CISD3: variants seen among roughly 807,000 people sequenced by gnomAD.
CISD3 encodes CDGSH iron-sulfur domain-containing protein 3, mitochondrial.
A neutral mutation model predicts 14.1 loss-of-function variants in CISD3; 11 were observed. That is an observed-to-expected ratio of 0.78 (90% confidence interval 0.49 to 1.29). The LOEUF is 1.29. Among genes scored for constraint, CISD3 ranks in the 50% most tolerant of loss-of-function variants. The probability of loss-of-function intolerance (pLI) is 0.00; values close to 1 mark genes in which losing one functional copy is unlikely to be tolerated. For missense variants in CISD3, 156 were observed against 171.6 expected, an observed-to-expected ratio of 0.91 and a Z score of 0.51; for synonymous variants, 53 against 69.2, an observed-to-expected ratio of 0.77 and a Z score of 1.16.
Position 38,735,309 on chromosome 17 carries a change from T to C in CISD3, c.*1854T>C. 6.5e-7 allele frequency: 1 copy of C among 1,527,624 alleles called. No individual in the cohort carries two copies. Among genetic ancestry groups the C allele is most frequent in the Non-Finnish European group, 8.8e-7 (1 of 1,130,724 alleles). 94.6% of individuals were successfully genotyped at this position (1,527,624 alleles called of 1,614,324 possible). A position where few individuals can be genotyped will look rare whatever the true frequency, so the allele number is the denominator to read the frequency against. On this transcript the variant is annotated 3_prime_UTR_variant, in exon 4 of 4. Coordinates refer to ENST00000613478, the MANE Select transcript of CISD3 (RefSeq NM_001136498.2). ...GATGGTGTCTGCAGGCAGTTCAAGC[T>C]ACCCCCGTTGGCAGCTGTGGTGGCC...
At position 38,734,573 on chromosome 17, in the gene CISD3, T is replaced by C. The variant is rs1906524762; in HGVS notation, c.*1118T>C. On this transcript the variant is annotated 3_prime_UTR_variant, in exon 4 of 4. Transcript: ENST00000613478. ...AACTATCTATTCTTTGCACAAAGTT[T>C]CCACTGCAAGAGGAGGAGGTGATGC... The C allele has an allele frequency of 6.6e-6, 1 of 151,888 alleles. No individual in the cohort carries two copies. Among genetic ancestry groups the C allele is most frequent in the South Asian group, 2.1e-4 (1 of 4,814 alleles). 9.4% of individuals were successfully genotyped at this position (151,888 alleles called of 1,614,324 possible). A position where few individuals can be genotyped will look rare whatever the true frequency, so the allele number is the denominator to read the frequency against.
rs904490599 is a variant in CISD3, at chr17:38,730,587, C to A, written c.49-173C>A. The stretch of plus-strand genomic sequence containing the variant: ...CAGTCCCTGCCAGGACCTCCGCAGC[C>A]AGCACCTTCTCTTGCGACCTTTTTC... On this transcript the variant is annotated intron_variant, in intron 1 of 3. Transcript: ENST00000613478. 4 of 836,560 alleles carry A rather than the reference C, an allele frequency of 4.8e-6. No homozygotes were observed. In the Admixed American group the frequency reaches 8.7e-5, roughly 18 times the overall value. 51.8% of individuals were successfully genotyped at this position (836,560 alleles called of 1,614,324 possible).
Position 38,730,801 on chromosome 17 carries a change from TC to T in CISD3, c.84+12del, listed in dbSNP as rs373912781. On this transcript the variant is annotated splice_region_variant and intron_variant, in intron 2 of 3. Transcript: ENST00000613478. ...GGGACATCTCCTCCTGGCTGGTGAG[TC>T]CCCCCATCCTCCCCTCCTCCTCGCA... The T allele has an allele frequency of 2.6e-6, 4 of 1,550,630 alleles. No individual in the cohort carries two copies. Among genetic ancestry groups the T allele is most frequent in the African/African-American group, 1.4e-5 (1 of 72,776 alleles).
Position 38,735,330 on chromosome 17 carries a change from T to C in CISD3, c.*1875T>C, listed in dbSNP as rs1378510208. 6.5e-7 allele frequency: 1 copy of C among 1,544,940 alleles called. No individual in the cohort carries two copies. The highest frequency in any genetic ancestry group is 1.9e-5 in the Admixed American group (1 of 53,020). On this transcript the variant is annotated 3_prime_UTR_variant, in exon 4 of 4. Coordinates refer to ENST00000613478, the MANE Select transcript of CISD3 (RefSeq NM_001136498.2). ...AAGCTACCCCCGTTGGCAGCTGTGG[T>C]GGCCCCACTGGCTGTCGAAGGGGGA...
Position 38,730,768 on chromosome 17 carries a change from C to G in CISD3, c.57C>G (p.Asn19Lys). 1 of 1,551,766 alleles carries G rather than the reference C, an allele frequency of 6.4e-7. No individual in the cohort carries two copies. Among genetic ancestry groups the G allele is most frequent in the Non-Finnish European group, 8.7e-7 (1 of 1,146,958 alleles). ...GCTTGCGTACCTTGCAGGACCTGAA[C>G]CCGCGGCGGGACATCTCCTCCTGGC... ...RPAARGARDL[N>K]PRRDISSWLA... is the part of the protein sequence containing the mutation. Residue 19 changes from asparagine to lysine, a missense_variant, in exon 2 of 4, where the codon AAC becomes AAG. By Grantham distance (94) the Asn-to-Lys change is moderately conservative (BLOSUM62 0). Coordinates refer to ENST00000613478, the MANE Select transcript of CISD3 (RefSeq NM_001136498.2).
Position 38,734,497 on chromosome 17 carries a change from A to AGAT in CISD3, c.*1043_*1045dup, listed in dbSNP as rs1567937181. 1 of 151,282 alleles carries AGAT rather than the reference A, an allele frequency of 6.6e-6. No homozygotes were observed. Among genetic ancestry groups the AGAT allele is most frequent in the Non-Finnish European group, 1.5e-5 (1 of 67,896 alleles). The allele number at this position is 151,282 out of a possible 1,614,324, so 9.4% of individuals were successfully genotyped here. On this transcript the variant is annotated 3_prime_UTR_variant, in exon 4 of 4. Coordinates refer to ENST00000613478, the MANE Select transcript of CISD3 (RefSeq NM_001136498.2). Reference sequence around the variant, plus strand: ...CAGGGCCTGAATCTTCTTTTCCACAAGATAAATGATGCAAAGGCCACACAC... The same window carrying AGAT: ...CAGGGCCTGAATCTTCTTTTCCACAAGATGATAAATGATGCAAAGGCCACACAC...
At chr17:38,731,498 C>T in intron 3 of CISD3, 59 bp downstream of exon 3, 1 of 1,546,016 alleles carries the variant, frequency 6.5e-7, no homozygotes, top group Non-Finnish European at 8.8e-7. Flanking sequence ...CTGGTGTCTC[C>T]AGTGAGTTCC....
At chr17:38,731,187 G>A (rs1827792462) in intron 2 of CISD3, 133 bp from the exon 3 acceptor site, 8 of 1,222,406 alleles carry the variant, frequency 6.5e-6, no homozygotes, top group Non-Finnish European at 7.9e-6. Context: ...CTTGTTGGGT[G>A]GCATCAGATC....
rs1415755631 is a variant in CISD3, at chr17:38,735,475, G to A, written c.*2020G>A. On this transcript the variant is annotated 3_prime_UTR_variant, in exon 4 of 4. Transcript: ENST00000613478. ...GCAGGGTGGCAGGGCTGGGAGCCTT[G>A]TCGCTGACTGACTCACACTCGGACG... The A allele has an allele frequency of 6.3e-7, 1 of 1,592,164 alleles. No individual in the cohort carries two copies. Among genetic ancestry groups the A allele is most frequent in the South Asian group, 1.1e-5 (1 of 87,790 alleles).
rs1468178828 is a variant in CISD3 at position 38,730,498 on chromosome 17, C to G, written c.48+92C>G. 1.3e-5 allele frequency: 14 copies of G among 1,077,188 alleles called. No homozygotes were observed. In the East Asian group the frequency reaches 2.8e-4, roughly 21 times the overall value. The allele number at this position is 1,077,188 out of a possible 1,614,324, so 66.7% of individuals were successfully genotyped here. ...CCAGCCCCGGCCCGGCCGAGCATCC[C>G]GGAGCTCCCGGCCCGTCCCGCCGGT... On this transcript the variant is annotated intron_variant, in intron 1 of 3. Coordinates refer to ENST00000613478, the MANE Select transcript of CISD3 (RefSeq NM_001136498.2).
In CISD3 at chr17:38,730,383, C is replaced by T; in HGVS notation, c.25C>T (p.Arg9Trp). 2 of 1,200,534 alleles carry T rather than the reference C, an allele frequency of 1.7e-6. No homozygotes were observed. The highest frequency in any genetic ancestry group is 4.1e-5 in the South Asian group (1 of 24,288). The allele number at this position is 1,200,534 out of a possible 1,614,324, so 74.4% of individuals were successfully genotyped here. ...CATGCGCGGCGCGGGGGCGATCCTG[C>T]GGCCGGCGGCGCGTGGTGCCCGGGT... Reference protein sequence around the residue: MRGAGAILRPAARGARDLN... With the variant: MRGAGAILWPAARGARDLN... Residue 9 changes from arginine (R) to tryptophan (W), a missense_variant, in exon 1 of 4, where the codon CGG (arginine) becomes TGG (tryptophan). Arg to Trp is a moderately radical substitution (Grantham distance 101). Coordinates refer to ENST00000613478, the MANE Select transcript of CISD3 (RefSeq NM_001136498.2).
intron 1 of CISD3, 66 bp from the exon 2 acceptor site, chr17:38,730,694 C>G: frequency 6.6e-7 from 1 of 1,510,988 alleles, no homozygotes. Flanking sequence ...TCCCTTTCCA[C>G]TGATTTTATT....
chr17:38,733,945 G>T lies in CISD3; in HGVS notation c.*490G>T. 6.4e-6 allele frequency: 1 copy of T among 155,636 alleles called. No individual in the cohort carries two copies. 9.6% of individuals were successfully genotyped at this position (155,636 alleles called of 1,614,324 possible). On this transcript the variant is annotated 3_prime_UTR_variant, in exon 4 of 4. Coordinates refer to ENST00000613478, the MANE Select transcript of CISD3 (RefSeq NM_001136498.2). Reference sequence around the variant, plus strand: ...AAAGCCAAGAGATACAGATGTCCCAGGGCAAAGGAGGGTACAGTCACAGGA... The same window carrying T: ...AAAGCCAAGAGATACAGATGTCCCATGGCAAAGGAGGGTACAGTCACAGGA...
At chr17:38,732,798 A>G (rs2143735493) in intron 3 of CISD3, among the ~76,000 whole-genome samples, 1 of 152,186 alleles carries the variant, frequency 6.6e-6, no homozygotes, top group East Asian at 1.9e-4. Context: ...TCCTCCTTGT[A>G]ACCTTCACTC....
At chr17:38,731,145 G>A (rs1906315362) in intron 2 of CISD3, 175 bp from the exon 3 acceptor site, 1 of 869,370 alleles carries the variant, frequency 1.2e-6, no homozygotes, top group Non-Finnish European at 1.7e-6. Context: ...CCTGTCCAAA[G>A]CTCACGGTCC....
intron 3 of CISD3, 45 bp from the exon 4 acceptor site, chr17:38,733,226 TGCCCC>T (rs1567936344): frequency 4.5e-6 from 7 of 1,544,402 alleles, no homozygotes; most frequent in African/African-American, 2.7e-5. Flanking sequence ...TGCCCTGCCC[TGCCCC>T]AGCAGGTGGG....
rs1345263351 is a variant in CISD3, at chr17:38,730,364, C to G, written c.6C>G (p.Arg2=). 8.5e-7 allele frequency: 1 copy of G among 1,172,428 alleles called. No homozygotes were observed. The highest frequency in any genetic ancestry group is 1.1e-6 in the Non-Finnish European group (1 of 950,256). 72.6% of individuals were successfully genotyped at this position (1,172,428 alleles called of 1,614,324 possible). A position where few individuals can be genotyped will look rare whatever the true frequency, so the allele number is the denominator to read the frequency against. The change falls in exon 1 of 4, where the codon CGC becomes CGG. Residue 2 remains arginine (R), a synonymous_variant. Coordinates refer to ENST00000613478, the MANE Select transcript of CISD3 (RefSeq NM_001136498.2). Reference sequence around the variant, plus strand: ...GCGCGGCGCGGGAGGCGACCATGCGCGGCGCGGGGGCGATCCTGCGGCCGG... The same window carrying G: ...GCGCGGCGCGGGAGGCGACCATGCGGGGCGCGGGGGCGATCCTGCGGCCGG... M[R]GAGAILRPAA...
At position 38,735,416 on chromosome 17, in the gene CISD3, G is replaced by T. The variant is rs1246419795; in HGVS notation, c.*1961G>T. The T allele has an allele frequency of 1.3e-6, 2 of 1,574,776 alleles. No individual in the cohort carries two copies. The highest frequency in any genetic ancestry group is 1.3e-5 in the African/African-American group (1 of 74,170). ...GGAACTGGGAGAGCCATGGGATGGGGTGGCTGGGCTGGGCAGGGAGGAGGA... is the reference window on the plus strand; with the variant it reads ...GGAACTGGGAGAGCCATGGGATGGGTTGGCTGGGCTGGGCAGGGAGGAGGA... On this transcript the variant is annotated 3_prime_UTR_variant, in exon 4 of 4. Coordinates refer to ENST00000613478, the MANE Select transcript of CISD3 (RefSeq NM_001136498.2).
chr17:38,734,781 C>G lies in CISD3; in HGVS notation c.*1326C>G, dbSNP rs1483948420. On this transcript the variant is annotated 3_prime_UTR_variant, in exon 4 of 4. Transcript: ENST00000613478. ...AGAAAGAAACGATTCTAACTGACTC[C>G]TATATGCAGCCAGTTGGAATCATGC... The G allele has an allele frequency of 6.4e-6, 1 of 155,072 alleles. No homozygotes were observed. Among genetic ancestry groups the G allele is most frequent in the Non-Finnish European group, 1.4e-5 (1 of 69,950 alleles). 9.6% of individuals were successfully genotyped at this position (155,072 alleles called of 1,614,324 possible). A position where few individuals can be genotyped will look rare whatever the true frequency, so the allele number is the denominator to read the frequency against.
Sources: allele counts gnomAD v4.1 joint callset (sites outside exome capture counted in the v4.1 genomes callset), GRCh38; gene constraint gnomAD v4.1.1; transcripts MANE v1.5; gene names NCBI Gene and HGNC (gene_info 2026-07-23, HGNC 2026-07-21).